Variants in KIFAP3 observed in about 807,000 individuals in gnomAD.
KIFAP3 encodes the protein kinesin associated protein 3.
KIFAP3 carries 68 observed loss-of-function variants against 106.5 expected under a neutral mutation model. The observed-to-expected ratio is 0.64, with a 90% CI of 0.53 to 0.78. The LOEUF is 0.78. Among genes scored for constraint, KIFAP3 ranks in the 30% least tolerant of loss-of-function variants. The probability of loss-of-function intolerance (pLI) is 0.00; values close to 1 mark genes in which losing one functional copy is unlikely to be tolerated. For missense variants in KIFAP3, 780 were observed against 941.8 expected (o/e 0.83, Z 2.25); for synonymous variants, 320 against 311.5 (o/e 1.03, Z -0.29).
Position 169,971,868 on chromosome 1 carries a change from C to T in KIFAP3, c.1983+645G>A, listed in dbSNP as rs557574972. Among the ~76,000 whole-genome samples, 16 of 151,986 alleles carry T rather than the reference C, an allele frequency of 1.1e-4. No individual in the cohort carries two copies. In the East Asian group the frequency reaches 1.4e-3, roughly 13 times the overall value. ...ATATATAAAAAATACTCAAAATAAT[C>T]GAGTATCTGGTACAGCCCTGGTGCA... On this transcript the variant is annotated intron_variant, in intron 17 of 19. Transcript: ENST00000361580.
intron 8 of KIFAP3, among the ~76,000 whole-genome samples, chr1:170,029,974 A>T (rs534993110): frequency 6.6e-6 from 1 of 152,088 alleles, no homozygotes; most frequent in East Asian, 1.9e-4. Context: ...TACAAAAATT[A>T]ACTCAAAATA....
intron 10 of KIFAP3, among the ~76,000 whole-genome samples, chr1:170,014,847 G>C (rs999412926): frequency 6.6e-6 from 1 of 152,076 alleles, no homozygotes; most frequent in Admixed American, 6.6e-5. Context: ...TATTTACTAA[G>C]AAAATGTGTC....
intron 19 of KIFAP3, among the ~76,000 whole-genome samples, chr1:169,951,397 A>G (rs1664725120): frequency 6.6e-6 from 1 of 151,992 alleles, no homozygotes; most frequent in Non-Finnish European, 1.5e-5. Context: ...AGTAAGTTTT[A>G]TTAACTAATC....
At chr1:170,030,602 T>C (rs1669350366) in intron 8 of KIFAP3, among the ~76,000 whole-genome samples, 1 of 151,826 alleles carries the variant, frequency 6.6e-6, no homozygotes. Context: ...TATAAGGAAA[T>C]ACTATTCAAT....
intron 17 of KIFAP3, among the ~76,000 whole-genome samples, chr1:169,962,914 G>T (rs1417973728): frequency 1.3e-5 from 2 of 152,078 alleles, no homozygotes; most frequent in Admixed American, 1.3e-4. Flanking sequence ...CTATAGTAAT[G>T]CTAGTGACAA....
At chr1:170,061,489 T>C (rs891493557) in intron 1 of KIFAP3, among the ~76,000 whole-genome samples, 6 of 152,128 alleles carry the variant, frequency 3.9e-5, no homozygotes, top group East Asian at 1.9e-4. Context: ...GTTAGAATGG[T>C]GATCATTAAA....
intron 17 of KIFAP3, among the ~76,000 whole-genome samples, chr1:169,969,557 T>C (rs994851706): frequency 6.6e-6 from 1 of 152,000 alleles, no homozygotes; most frequent in Non-Finnish European, 1.5e-5. Context: ...ATTATTAAAA[T>C]AAAAACAATC....
chr1:169,991,034 C>A (rs1667072985), intron 11 of KIFAP3, among the ~76,000 whole-genome samples: 1 of 151,752 alleles, frequency 6.6e-6, no homozygotes, highest in African/African-American at 2.4e-5. Context: ...AAAATATTAA[C>A]AAATCAGTTA....
chr1:170,046,487 T>G (rs1326701450), intron 3 of KIFAP3, among the ~76,000 whole-genome samples: 1 of 152,152 alleles, frequency 6.6e-6, no homozygotes, highest in Non-Finnish European at 1.5e-5. Context: ...ACACAAAACA[T>G]GAAAAAGAAT....
At chr1:169,993,659 T>TAG (rs1667219523) in intron 10 of KIFAP3, among the ~76,000 whole-genome samples, 1 of 44,232 alleles carries the variant, frequency 2.3e-5, no homozygotes, top group Non-Finnish European at 4.9e-5. Flanking sequence ...AGGTGAGGCT[T>TAG]GCAGTGAGCC....
At chr1:170,010,620 C>G (rs544258336) in intron 10 of KIFAP3, among the ~76,000 whole-genome samples, 37 of 151,750 alleles carry the variant, frequency 2.4e-4, no homozygotes, top group African/African-American at 8.9e-4. Context: ...TCATTAACAC[C>G]AATCTCACAA....
chr1:169,944,846 G>A (rs1483937412), intron 19 of KIFAP3, among the ~76,000 whole-genome samples: 5 of 152,152 alleles, frequency 3.3e-5, no homozygotes, highest in East Asian at 1.9e-4. Context: ...GGGAGGAAGT[G>A]CATGCTGATT....
At chr1:169,972,049 G>T (rs537976) in intron 17 of KIFAP3, among the ~76,000 whole-genome samples, 142,421 of 151,984 alleles carry the variant, frequency 0.94, 66,814 homozygotes, top group East Asian at 1. Context: ...ATGAATAACA[G>T]TAAGATTTTT....
chr1:169,963,005 T>C (rs1665415544), intron 17 of KIFAP3, among the ~76,000 whole-genome samples: 1 of 152,170 alleles, frequency 6.6e-6, no homozygotes, highest in African/African-American at 2.4e-5. Context: ...ATTTGTTATA[T>C]AGGTAAACTG....
intron 2 of KIFAP3, among the ~76,000 whole-genome samples, chr1:170,054,071 A>T (rs1670715305): frequency 6.6e-6 from 1 of 152,256 alleles, no homozygotes. Context: ...ACAGAATGGG[A>T]GAAAATTTTT....
rs1403826694 is a variant in KIFAP3 at position 169,989,969 on chromosome 1, G to C, written c.1284+2186C>G. ...TTTTAGACAAGGAATTATGTAGTAG[G>C]AGTCAAGAGGAATTACCTTCATAAG... On this transcript the variant is annotated intron_variant, in intron 11 of 19. Coordinates refer to ENST00000361580, the MANE Select transcript of KIFAP3 (RefSeq NM_014970.4). The C allele has an allele frequency of 2.3e-6, 3 of 1,291,066 alleles. No individual in the cohort carries two copies. The African/African-American group carries it at 4.6e-5, about 20-fold the overall frequency. The allele number at this position is 1,291,066 out of a possible 1,614,324, so 80.0% of individuals were successfully genotyped here. A position where few individuals can be genotyped will look rare whatever the true frequency, so the allele number is the denominator to read the frequency against.
intron 19 of KIFAP3, among the ~76,000 whole-genome samples, chr1:169,943,663 C>T (rs1453623624): frequency 6.6e-6 from 1 of 152,068 alleles, no homozygotes; most frequent in Non-Finnish European, 1.5e-5. Flanking sequence ...AAGAGCATTT[C>T]TAGGTCAAAT....
At position 170,035,447 on chromosome 1, in the gene KIFAP3, T is replaced by C. The variant is rs1461957864; in HGVS notation, c.617+7A>G. On this transcript the variant is annotated splice_region_variant and intron_variant, in intron 6 of 19. Coordinates refer to ENST00000361580, the MANE Select transcript of KIFAP3 (RefSeq NM_014970.4). ...TAGCCTTTTTATTTAATAATTTTTA[T>C]ACTTACCTGGAGAAACAAAAAAAGA... The C allele has an allele frequency of 1.3e-6, 2 of 1,558,158 alleles. No homozygotes were observed. The highest frequency in any genetic ancestry group is 8.8e-7 in the Non-Finnish European group (1 of 1,142,362).
chr1:170,049,603 C>T (rs1328434343), intron 2 of KIFAP3, among the ~76,000 whole-genome samples: 1 of 152,192 alleles, frequency 6.6e-6, no homozygotes, highest in Non-Finnish European at 1.5e-5. Context: ...TGGCATCAGG[C>T]CAGTGCTCCC....
Sources: allele counts gnomAD v4.1 joint callset (sites outside exome capture counted in the v4.1 genomes callset), GRCh38; gene constraint gnomAD v4.1.1; transcripts MANE v1.5; gene names NCBI Gene and HGNC (gene_info 2026-07-23, HGNC 2026-07-21).